The following SAMD12 variants were observed in gnomAD, a reference collection of about 807,000 sequenced individuals.
SAMD12 encodes sterile alpha motif domain containing 12, also known as sterile alpha motif domain-containing protein 12.
In SAMD12, 9 loss-of-function variants were observed where a neutral mutation model predicts 15.0. That is an observed-to-expected ratio of 0.60 (90% confidence interval 0.36 to 1.05). SAMD12 has a LOEUF of 1.05. Ranked by LOEUF, SAMD12 falls within the 50% of genes least tolerant of loss-of-function variation. The pLI is 0.01. For missense variants in SAMD12, 230 were observed against 234.2 expected (o/e 0.98, Z 0.12); for synonymous variants, 86 against 90.1 (o/e 0.96, Z 0.25).
At chr8:118,490,904 A>G (rs1824423304) in intron 2 of SAMD12, among the ~76,000 whole-genome samples, 1 of 149,796 alleles carries the variant, frequency 6.7e-6, no homozygotes, top group Admixed American at 6.7e-5. Context: ...GCTATGTCCA[A>G]CTAAAAATTT....
At chr8:118,276,380 G>A (rs562507523) in intron 4 of SAMD12, among the ~76,000 whole-genome samples, 7 of 152,236 alleles carry the variant, frequency 4.6e-5, no homozygotes, top group African/African-American at 1.7e-4. Context: ...TTTTTCTCTA[G>A]TATACTACTT....
chr8:118,360,517 A>C (rs538115374), intron 4 of SAMD12, among the ~76,000 whole-genome samples: 1 of 151,176 alleles, frequency 6.6e-6, no homozygotes, highest in South Asian at 2.1e-4. Context: ...CAGACCACTT[A>C]AGGTAAAAGA....
At chr8:118,456,340 G>C (rs1307518679) in intron 2 of SAMD12, among the ~76,000 whole-genome samples, 1 of 152,138 alleles carries the variant, frequency 6.6e-6, no homozygotes, top group Non-Finnish European at 1.5e-5. Flanking sequence ...GTAATCTTAA[G>C]TAATCCCCAA....
chr8:118,511,659 C>T (rs1435800502), intron 2 of SAMD12, among the ~76,000 whole-genome samples: 1 of 151,960 alleles, frequency 6.6e-6, no homozygotes, highest in African/African-American at 2.4e-5. Flanking sequence ...GGGTAAAAGA[C>T]CATTAAAAAT....
chr8:118,374,277 T>C (rs1206853783), downstream of SAMD12, among the ~76,000 whole-genome samples: 1 of 152,134 alleles, frequency 6.6e-6, no homozygotes, highest in Non-Finnish European at 1.5e-5. Flanking sequence ...TTTAGCACGA[T>C]GTCTTTGAGG....
chr8:118,415,409 T>C (rs571591144), intron 3 of SAMD12, among the ~76,000 whole-genome samples: 1 of 150,484 alleles, frequency 6.6e-6, no homozygotes, highest in South Asian at 2.1e-4. Flanking sequence ...CTGGAGAAAA[T>C]GCCAGTGTAA....
chr8:118,450,683 G>A (rs1474041367), intron 2 of SAMD12, among the ~76,000 whole-genome samples: 1 of 152,222 alleles, frequency 6.6e-6, no homozygotes, highest in African/African-American at 2.4e-5. Flanking sequence ...GTGCAAAAAT[G>A]CCCCTGTGTA....
chr8:118,169,170 C>T, the SAMD12 span, among the ~76,000 whole-genome samples: 1 of 152,038 alleles, frequency 6.6e-6, no homozygotes, highest in African/African-American at 2.4e-5. Flanking sequence ...CTCATGTAAC[C>T]AACCTGTACA....
At chr8:118,510,876 C>T (rs1825062186) in intron 2 of SAMD12, among the ~76,000 whole-genome samples, 1 of 152,184 alleles carries the variant, frequency 6.6e-6, no homozygotes. Flanking sequence ...TGCATTTCCT[C>T]CAAGCAAAGA....
chr8:118,543,847 C>T (rs190089632), intron 2 of SAMD12, among the ~76,000 whole-genome samples: 5 of 152,142 alleles, frequency 3.3e-5, no homozygotes, highest in Admixed American at 6.5e-5. Flanking sequence ...GGCAAGCACA[C>T]ATTTCTAGAA....
At chr8:118,244,428 AG>A (rs1173429257) in intron 4 of SAMD12, among the ~76,000 whole-genome samples, 1 of 152,110 alleles carries the variant, frequency 6.6e-6, no homozygotes, top group African/African-American at 2.4e-5. Flanking sequence ...TCCATTTGCA[AG>A]GAACACTTAT....
At position 118,247,919 on chromosome 8, in the gene SAMD12, GA is replaced by G. The variant is rs147724756; in HGVS notation, c.434-50188del. 4.5e-3 allele frequency among the ~76,000 whole-genome samples: 684 copies of G among 152,082 alleles called. 2 individuals are homozygous for G. The highest frequency in any genetic ancestry group is 0.015 in the African/African-American group (631 of 41,516). On this transcript the variant is annotated intron_variant, in intron 4 of 4. Coordinates refer to the SAMD12 transcript ENST00000409003. ...TATAAATTAAGACAGATTAAAATGGGAAAAAAATACTAGAAGCAGGAAGCTT... is the reference window on the plus strand; with the variant it reads ...TATAAATTAAGACAGATTAAAATGGGAAAAAATACTAGAAGCAGGAAGCTT...
intron 2 of SAMD12, among the ~76,000 whole-genome samples, chr8:118,550,177 A>G (rs1440487082): frequency 1.3e-5 from 2 of 152,194 alleles, no homozygotes; most frequent in African/African-American, 4.8e-5. Flanking sequence ...AACACAGAGA[A>G]CGCCACAAAG....
At chr8:118,140,194 ATAT>A in the SAMD12 span, among the ~76,000 whole-genome samples, 4 of 152,340 alleles carry the variant, frequency 2.6e-5, no homozygotes, top group South Asian at 8.3e-4. Context: ...ACAGTACATG[ATAT>A]TATGAAACTA....
chr8:118,236,107 A>G (rs905845479), intron 4 of SAMD12, among the ~76,000 whole-genome samples: 3 of 152,212 alleles, frequency 2.0e-5, no homozygotes, highest in African/African-American at 4.8e-5. Context: ...GAATATTCGC[A>G]GTTATGAGTA....
intron 2 of SAMD12, among the ~76,000 whole-genome samples, chr8:118,542,569 A>G (rs949593150): frequency 6.6e-6 from 1 of 152,146 alleles, no homozygotes; most frequent in African/African-American, 2.4e-5. Flanking sequence ...ACTGCATAAG[A>G]ATGTGAGAAG....
chr8:118,230,939 G>C (rs1812298845), intron 4 of SAMD12, among the ~76,000 whole-genome samples: 1 of 152,110 alleles, frequency 6.6e-6, no homozygotes, highest in South Asian at 2.1e-4. Flanking sequence ...TTTAAGCAGA[G>C]AAGTGATGAC....
chr8:118,189,366 T>C (rs1819298285), downstream of SAMD12: 1 of 152,226 alleles, frequency 6.6e-6, no homozygotes, highest in Non-Finnish European at 1.5e-5. Flanking sequence ...ACTTTTCTTT[T>C]TCTTCTGCAA....
chr8:118,404,191 C>T (rs1563833705), intron 3 of SAMD12, among the ~76,000 whole-genome samples: 1 of 152,174 alleles, frequency 6.6e-6, no homozygotes, highest in African/African-American at 2.4e-5. Context: ...ACTACATTGC[C>T]TAAGCTGGTC....
Sources: allele counts gnomAD v4.1 joint callset (sites outside exome capture counted in the v4.1 genomes callset), GRCh38; gene constraint gnomAD v4.1.1; transcripts MANE v1.5; gene names NCBI Gene and HGNC (gene_info 2026-07-23, HGNC 2026-07-21).